Variants in UGT1A8 observed in about 807,000 individuals in gnomAD.
UGT1A8 encodes UDP glucuronosyltransferase family 1 member A8.
A neutral mutation model predicts 45.3 loss-of-function variants in UGT1A8; 39 were observed. That is an observed-to-expected ratio of 0.86 (90% CI 0.67 to 1.12). The LOEUF is 1.12. UGT1A8 is among the 50% of genes most tolerant of loss of function. UGT1A8 has a pLI of 0.00. For synonymous variants in UGT1A8, 275 were observed against 249.2 expected (o/e 1.10, Z -0.97); for missense variants, 719 against 664.9 (o/e 1.08, Z -0.90).
Position 233,773,005 on chromosome 2 carries a change from C to A in UGT1A8, c.*446C>A. ...GTCAGTCCTCATCTCTGTCGTGCTT[C>A]ATAGGTGCCACCTTGTGTGTTTAAA... On this transcript the variant is annotated 3_prime_UTR_variant, in exon 5 of 5. Transcript: ENST00000373450. 4.6e-6 allele frequency: 1 copy of A among 219,060 alleles called. No individual in the cohort carries two copies. 13.6% of individuals were successfully genotyped at this position (219,060 alleles called of 1,614,324 possible).
At chr2:233,694,574 G>A (rs1304688470) in intron 1 of UGT1A8, among the ~76,000 whole-genome samples, 2 of 152,168 alleles carry the variant, frequency 1.3e-5, no homozygotes, top group Admixed American at 1.3e-4. Flanking sequence ...AAATTTCAAT[G>A]TAAATATTTA....
intron 1 of UGT1A8, chr2:233,691,335 G>C (rs1447452223): frequency 1.0e-6 from 1 of 985,562 alleles, no homozygotes; most frequent in Non-Finnish European, 1.2e-6. Flanking sequence ...GGACTGAGCT[G>C]AGTCTTCGCA....
intron 1 of UGT1A8, among the ~76,000 whole-genome samples, chr2:233,749,734 G>A (rs1231776352): frequency 4.0e-5 from 6 of 151,850 alleles, no homozygotes; most frequent in African/African-American, 1.5e-4. Flanking sequence ...GCACCTGCTG[G>A]TCTCATCATA....
chr2:233,724,248 C>A (rs1157079277), intron 1 of UGT1A8, among the ~76,000 whole-genome samples: 1 of 130,578 alleles, frequency 7.7e-6, no homozygotes, highest in Admixed American at 7.2e-5. Context: ...GGCAGAGGCG[C>A]CCCTCACCTC....
chr2:233,665,483 C>T (rs1356317602), intron 1 of UGT1A8, among the ~76,000 whole-genome samples: 1 of 152,144 alleles, frequency 6.6e-6, no homozygotes, highest in East Asian at 1.9e-4. Context: ...GTGCCTTGTA[C>T]ACTTTTTGAC....
rs2074809604 is a variant in UGT1A8, at chr2:233,686,880, C to T, written c.855+68318C>T. ...TCTTTCCTTTCTGTCACTTTTTCTG[C>T]ATGATTCCTGCCCCAGAGGGGTCAA... On this transcript the variant is annotated intron_variant, in intron 1 of 4. Transcript: ENST00000373450. Among the ~76,000 whole-genome samples the T allele has an allele frequency of 2.0e-5, 3 of 152,168 alleles. No homozygotes were observed. In the South Asian group the frequency reaches 6.2e-4, roughly 32 times the overall value.
At chr2:233,650,886 C>G (rs1468450630) in intron 1 of UGT1A8, among the ~76,000 whole-genome samples, 1 of 151,912 alleles carries the variant, frequency 6.6e-6, no homozygotes, top group African/African-American at 2.4e-5. Context: ...TTTGATGATC[C>G]CTCATCTATT....
At chr2:233,692,972 T>C in intron 1 of UGT1A8, 1 of 1,612,102 alleles carries the variant, frequency 6.2e-7, no homozygotes, top group Non-Finnish European at 8.5e-7. Flanking sequence ...GTGAAAACTC[T>C]TTATTACCGT....
intron 1 of UGT1A8, chr2:233,681,913 G>A: frequency 6.2e-7 from 1 of 1,601,310 alleles, no homozygotes; most frequent in Non-Finnish European, 8.5e-7. Flanking sequence ...AATCCCAGCT[G>A]CTGGCTCTGG....
chr2:233,649,108 CA>C, intron 1 of UGT1A8: 1 of 783,138 alleles, frequency 1.3e-6, no homozygotes, highest in South Asian at 3.2e-5. Flanking sequence ...TGGGATTTGA[CA>C]TTTGTGTTTG....
At chr2:233,758,786 G>A (rs1696976610) in intron 1 of UGT1A8, among the ~76,000 whole-genome samples, 1 of 152,212 alleles carries the variant, frequency 6.6e-6, no homozygotes, top group African/African-American at 2.4e-5. Flanking sequence ...GATCTGTGCA[G>A]TTATCTTGGA....
rs1425669197 is a variant in UGT1A8 at position 233,693,475 on chromosome 2, G to A, written c.856-73559G>A. The A allele has an allele frequency of 6.8e-6, 11 of 1,614,046 alleles. No individual in the cohort carries two copies. The Admixed American group carries it at 1.0e-4, about 15-fold the overall frequency. On this transcript the variant is annotated intron_variant, in intron 1 of 4. Coordinates refer to ENST00000373450, the MANE Select transcript of UGT1A8 (RefSeq NM_019076.5). ...CAGACCCAGCCTTACCCTGTGGGGTGATCCTGGCTGAGTATTTGGGCCTAC... is the reference window on the plus strand; with the variant it reads ...CAGACCCAGCCTTACCCTGTGGGGTAATCCTGGCTGAGTATTTGGGCCTAC...
intron 1 of UGT1A8, 29 bp from the exon 2 acceptor site, chr2:233,767,005 T>A: frequency 1.2e-6 from 2 of 1,613,726 alleles, no homozygotes; most frequent in Non-Finnish European, 1.7e-6. Flanking sequence ...TGAGAAAAAA[T>A]TAACTGAAAA....
chr2:233,753,795 C>T (rs760622704), intron 1 of UGT1A8: 6 of 152,312 alleles, frequency 3.9e-5, no homozygotes, highest in African/African-American at 1.4e-4. Flanking sequence ...TTTCCAGGAC[C>T]TACCATAGTT....
chr2:233,618,638 G>C, intron 1 of UGT1A8, 76 bp downstream of exon 1: 1 of 1,523,194 alleles, frequency 6.6e-7, no homozygotes, highest in Non-Finnish European at 8.8e-7. Flanking sequence ...ACTGAATTGT[G>C]ATTTGACATT....
At chr2:233,752,137 C>T (rs1694900584) in intron 1 of UGT1A8, among the ~76,000 whole-genome samples, 1 of 152,200 alleles carries the variant, frequency 6.6e-6, no homozygotes, top group Non-Finnish European at 1.5e-5. Flanking sequence ...CAGAAAGGAT[C>T]ATTCCCTCTT....
chr2:233,751,084 C>T (rs1694636853), intron 1 of UGT1A8, among the ~76,000 whole-genome samples: 1 of 151,906 alleles, frequency 6.6e-6, no homozygotes, highest in Non-Finnish European at 1.5e-5. Flanking sequence ...CTGAAGGCAG[C>T]CAGGAGGAGG....
chr2:233,637,675 G>C (rs10929252), intron 1 of UGT1A8, among the ~76,000 whole-genome samples: 19,360 of 152,090 alleles, frequency 0.13, 1,311 homozygotes, highest in Non-Finnish European at 0.16. Context: ...TCCGTTTTTT[G>C]TTAATTCTAT....
In UGT1A8 at chr2:233,693,578, A is replaced by G. The variant is rs754174364; in HGVS notation, c.856-73456A>G. On this transcript the variant is annotated intron_variant, in intron 1 of 4. Coordinates refer to ENST00000373450, the MANE Select transcript of UGT1A8 (RefSeq NM_019076.5). ...CAGAAGCCCAGACCCTGTGTCCTAC[A>G]TTCCCAGGTGCTACACAAAGTTTTC... 1.2e-5 allele frequency: 19 copies of G among 1,614,074 alleles called. 1 individual carries two copies. The highest frequency in any genetic ancestry group is 3.3e-4 in the Middle Eastern group (2 of 6,084).
Sources: gnomAD v4.1 joint callset for allele counts (sites outside exome capture counted in the v4.1 genomes callset) on GRCh38, gnomAD v4.1.1 for gene constraint, MANE v1.5 for transcripts, NCBI Gene and HGNC (gene_info 2026-07-23, HGNC 2026-07-21) for gene names.